The following SELENOI variants were observed in gnomAD, a reference collection of about 807,000 sequenced individuals.
SELENOI encodes the protein selenoprotein I.
A neutral mutation model predicts 50.7 loss-of-function variants in SELENOI; 24 were observed. That is an observed-to-expected ratio of 0.47 (90% confidence interval 0.34 to 0.67). The LOEUF (loss-of-function observed/expected upper bound fraction) is 0.67. SELENOI is among the 30% of genes least tolerant of loss of function. The probability of loss-of-function intolerance (pLI) is 0.01; values close to 1 mark genes in which losing one functional copy is unlikely to be tolerated. For missense variants in SELENOI, 352 were observed against 461.4 expected, an observed-to-expected ratio of 0.76 and a Z score of 2.17; for synonymous variants, 155 against 170.2, an observed-to-expected ratio of 0.91 and a Z score of 0.70.
At position 26,391,132 on chromosome 2, in the gene SELENOI, C is replaced by T. The variant is rs1245251332; in HGVS notation, c.*2029C>T. ...CTTTTACTTCAAAGGTGTGTTTCTG[C>T]CCTCTTTTGGTTGTATCAAATTTAT... is the stretch of plus-strand genomic sequence containing the variant. On this transcript the variant is annotated 3_prime_UTR_variant, in exon 10 of 10. Transcript: ENST00000260585. 5 of 152,140 alleles carry T rather than the reference C, an allele frequency of 3.3e-5. No individual in the cohort carries two copies. Among genetic ancestry groups the T allele is most frequent in the Admixed American group, 3.3e-4 (5 of 15,268 alleles). The allele number at this position is 152,140 out of a possible 1,614,324, so 9.4% of individuals were successfully genotyped here.
In SELENOI at chr2:26,391,845, T is replaced by A. The variant is rs1235093721; in HGVS notation, c.*2742T>A. 1 of 152,206 alleles carries A rather than the reference T, an allele frequency of 6.6e-6. No homozygotes were observed. Among genetic ancestry groups the A allele is most frequent in the Non-Finnish European group, 1.5e-5 (1 of 68,022 alleles). The allele number at this position is 152,206 out of a possible 1,614,324, so 9.4% of individuals were successfully genotyped here. On this transcript the variant is annotated 3_prime_UTR_variant, in exon 10 of 10. Coordinates refer to ENST00000260585, the MANE Select transcript of SELENOI (RefSeq NM_033505.4). ...TTTTGTGATCCTTTAATATTATCCATGCTTTTATAAAGTGCAGTACACATT... is the reference window on the plus strand; with the variant it reads ...TTTTGTGATCCTTTAATATTATCCAAGCTTTTATAAAGTGCAGTACACATT...
rs1376185145 is a variant in SELENOI at position 26,346,246 on chromosome 2, A to G, written c.14A>G (p.Glu5Gly). Residue 5 changes from glutamate (E) to glycine (G), a missense_variant, in exon 1 of 10, where the codon GAA becomes GGA. Coordinates refer to ENST00000260585, the MANE Select transcript of SELENOI (RefSeq NM_033505.4). ...TTTCGGGTCGTCATGGCTGGCTACGAATACGTGAGCCCGGAGCAGCTGGCT... is the reference window on the plus strand; with the variant it reads ...TTTCGGGTCGTCATGGCTGGCTACGGATACGTGAGCCCGGAGCAGCTGGCT... MAGYEYVSPEQLAGF... is the reference protein window; with the variant it reads MAGYGYVSPEQLAGF... 6.2e-7 allele frequency: 1 copy of G among 1,613,504 alleles called. No individual in the cohort carries two copies. Among genetic ancestry groups the G allele is most frequent in the Non-Finnish European group, 8.5e-7 (1 of 1,179,628 alleles).
intron 6 of SELENOI, among the ~76,000 whole-genome samples, chr2:26,380,882 C>G (rs950493406): frequency 6.6e-6 from 1 of 152,020 alleles, no homozygotes; most frequent in Admixed American, 6.6e-5. Flanking sequence ...TATGAATGAG[C>G]TTTTCTAGTG....
chr2:26,346,196 A>C lies in SELENOI; in HGVS notation c.-37A>C. Reference sequence around the variant, plus strand: ...TGTGTGTCACAGCCTTGTAGCCGGGAGTCGCTGCCGAGTGGGCGCTCAGTT... The same window carrying C: ...TGTGTGTCACAGCCTTGTAGCCGGGCGTCGCTGCCGAGTGGGCGCTCAGTT... On this transcript the variant is annotated 5_prime_UTR_variant, in exon 1 of 10. Transcript: ENST00000260585. 6.2e-7 allele frequency: 1 copy of C among 1,613,352 alleles called. No individual in the cohort carries two copies. The highest frequency in any genetic ancestry group is 8.5e-7 in the Non-Finnish European group (1 of 1,179,576).
At chr2:26,353,949 C>T (rs1470268168) in intron 1 of SELENOI, among the ~76,000 whole-genome samples, 1 of 152,052 alleles carries the variant, frequency 6.6e-6, no homozygotes, top group East Asian at 1.9e-4. Flanking sequence ...CCGTGGGAAC[C>T]AAGGCACAGA....
chr2:26,361,401 C>A (rs1348631795), intron 1 of SELENOI, among the ~76,000 whole-genome samples: 1 of 152,168 alleles, frequency 6.6e-6, no homozygotes, highest in Non-Finnish European at 1.5e-5. Context: ...TGATTAACAA[C>A]AACAACTAAG....
intron 6 of SELENOI, among the ~76,000 whole-genome samples, chr2:26,380,212 C>T (rs889270067): frequency 1.3e-5 from 2 of 152,126 alleles, no homozygotes; most frequent in Non-Finnish European, 2.9e-5. Flanking sequence ...AGAAGTCTAG[C>T]TTCTGTTGTT....
At chr2:26,379,985 T>C (rs1431224100) in intron 6 of SELENOI, among the ~76,000 whole-genome samples, 1 of 152,210 alleles carries the variant, frequency 6.6e-6, no homozygotes, top group African/African-American at 2.4e-5. Context: ...TTTTGCAGTT[T>C]TATTCATCCT....
At chr2:26,360,258 TTGAAAAATACTCAGGTG>T (rs1677147000) in intron 1 of SELENOI, among the ~76,000 whole-genome samples, 1 of 152,238 alleles carries the variant, frequency 6.6e-6, no homozygotes, top group Non-Finnish European at 1.5e-5. Flanking sequence ...GTATGTGACC[TTGAAAAATACTCAGGTG>T]TGTAAGGCGA....
Position 26,373,688 on chromosome 2 carries a change from T to G in SELENOI, c.573+59T>G. 1.3e-6 allele frequency: 2 copies of G among 1,530,884 alleles called. 1 individual carries two copies. Among genetic ancestry groups the G allele is most frequent in the African/African-American group, 2.8e-5 (2 of 72,492 alleles). The allele number at this position is 1,530,884 out of a possible 1,614,324, so 94.8% of individuals were successfully genotyped here. ...TACCATGATACTTTTGGAAAGCTTT[T>G]GTCATTGCTTATTTATTGCTCTTAG... On this transcript the variant is annotated intron_variant, in intron 5 of 9. Coordinates refer to ENST00000260585, the MANE Select transcript of SELENOI (RefSeq NM_033505.4).
At chr2:26,356,245 A>G (rs1677062723) in intron 1 of SELENOI, among the ~76,000 whole-genome samples, 1 of 151,234 alleles carries the variant, frequency 6.6e-6, no homozygotes, top group South Asian at 2.1e-4. Context: ...GCAGCCTCAA[A>G]CTCCTGGGTT....
At chr2:26,382,067 G>T (rs1335086066) in intron 6 of SELENOI, among the ~76,000 whole-genome samples, 2 of 152,142 alleles carry the variant, frequency 1.3e-5, no homozygotes, top group Non-Finnish European at 2.9e-5. Context: ...TAGATCATAG[G>T]ATCAAAGAAT....
At chr2:26,386,243 T>C in intron 8 of SELENOI, 111 bp from the exon 9 acceptor site, 2 of 1,063,664 alleles carry the variant, frequency 1.9e-6, no homozygotes, top group Non-Finnish European at 2.7e-6. Context: ...TGTAAGTGTG[T>C]TGGTTCAGGT....
At chr2:26,370,316 C>T (rs1677388517) in intron 4 of SELENOI, among the ~76,000 whole-genome samples, 1 of 151,802 alleles carries the variant, frequency 6.6e-6, no homozygotes, top group African/African-American at 2.4e-5. Context: ...CCTTTCCCCC[C>T]TTTCTATTCC....
Position 26,375,134 on chromosome 2 carries a change from C to T in SELENOI, c.668C>T (p.Thr223Ile). 6.2e-7 allele frequency: 1 copy of T among 1,602,786 alleles called. No homozygotes were observed. The highest frequency in any genetic ancestry group is 1.3e-5 in the African/African-American group (1 of 74,640). Residue 223 changes from threonine (T) to isoleucine (I), a missense_variant, in exon 6 of 10, where the codon ACT becomes ATT. By Grantham distance (89) the Thr-to-Ile change is moderately conservative. Transcript: ENST00000260585. ...LFNFLYRDLFTAMIIGCALCV... is the reference protein window; with the variant it reads ...LFNFLYRDLFIAMIIGCALCV... Reference sequence around the variant, plus strand: ...AATTTCTTATATAGAGACCTATTCACTGCAATGATTATTGGTAAGAAGCTC... The same window carrying T: ...AATTTCTTATATAGAGACCTATTCATTGCAATGATTATTGGTAAGAAGCTC...
At position 26,388,770 on chromosome 2, in the gene SELENOI, G is replaced by A. The variant is rs1276132496; in HGVS notation, c.1096-235G>A. Among the ~76,000 whole-genome samples the A allele has an allele frequency of 2.6e-5, 4 of 152,144 alleles. No individual in the cohort carries two copies. In the East Asian group the frequency reaches 7.7e-4, roughly 29 times the overall value. On this transcript the variant is annotated intron_variant, in intron 9 of 9. Coordinates refer to ENST00000260585, the MANE Select transcript of SELENOI (RefSeq NM_033505.4). ...ATTTGGATGTGAATTTGAGTGCTCT[G>A]GAGGGTTCTCAAGACTAGATTTTAG... is the stretch of plus-strand genomic sequence containing the variant.
rs1481736872 is a variant in SELENOI at position 26,346,240 on chromosome 2, G to A, written c.8G>A (p.Gly3Asp). Residue 3 changes from glycine (G) to aspartate (D), a missense_variant, in exon 1 of 10, where the codon GGC becomes GAC. Transcript: ENST00000260585. The part of the protein sequence containing the change: MA[G>D]YEYVSPEQLA... ...CTCAGTTTTCGGGTCGTCATGGCTGGCTACGAATACGTGAGCCCGGAGCAG... is the reference window on the plus strand; with the variant it reads ...CTCAGTTTTCGGGTCGTCATGGCTGACTACGAATACGTGAGCCCGGAGCAG... 6.2e-7 allele frequency: 1 copy of A among 1,613,522 alleles called. No individual in the cohort carries two copies. Among genetic ancestry groups the A allele is most frequent in the Non-Finnish European group, 8.5e-7 (1 of 1,179,650 alleles).
At position 26,385,101 on chromosome 2, in the gene SELENOI, T is replaced by G; in HGVS notation, c.874T>G (p.Phe292Val). 1 of 1,605,526 alleles carries G rather than the reference T, an allele frequency of 6.2e-7. No individual in the cohort carries two copies. Among genetic ancestry groups the G allele is most frequent in the South Asian group, 1.1e-5 (1 of 88,788 alleles). ...TATTTTAGAGCTACATCCTAGAGTA[T>G]TCTACTTTATGGTTGGAACAGCTTT... is the stretch of plus-strand genomic sequence containing the variant. ...SDILELHPRVFYFMVGTAFAN... is the reference protein window; with the variant it reads ...SDILELHPRVVYFMVGTAFAN... The change falls in exon 8 of 10, where the codon TTC becomes GTC. Residue 292 changes from phenylalanine (F) to valine (V), a missense_variant. By Grantham distance (50) the Phe-to-Val change is conservative. Coordinates refer to ENST00000260585, the MANE Select transcript of SELENOI (RefSeq NM_033505.4).
In SELENOI at chr2:26,393,727, G is replaced by C. The variant is rs1678023725; in HGVS notation, c.*4624G>C. 1 of 152,168 alleles carries C rather than the reference G, an allele frequency of 6.6e-6. No homozygotes were observed. The highest frequency in any genetic ancestry group is 1.5e-5 in the Non-Finnish European group (1 of 68,032). 9.4% of individuals were successfully genotyped at this position (152,168 alleles called of 1,614,324 possible). A position where few individuals can be genotyped will look rare whatever the true frequency, so the allele number is the denominator to read the frequency against. On this transcript the variant is annotated 3_prime_UTR_variant, in exon 10 of 10. Transcript: ENST00000260585. ...GTGCTGTTTTTAAAGCAAGTATATT[G>C]GATGATGGCTATAGGGTACCTTAAT...
Sources: gnomAD v4.1 joint callset for allele counts (sites outside exome capture counted in the v4.1 genomes callset) on GRCh38, gnomAD v4.1.1 for gene constraint, MANE v1.5 for transcripts, NCBI Gene and HGNC (gene_info 2026-07-23, HGNC 2026-07-21) for gene names.